Variants in SNX20 observed in about 807,000 individuals in gnomAD.
The protein encoded by SNX20 is sorting nexin-20.
Under a neutral mutation model 24.5 loss-of-function variants are expected in SNX20, and 21 were observed. That is an observed-to-expected ratio of 0.86 (90% CI 0.61 to 1.23). The LOEUF is 1.23. SNX20 is among the 50% of genes most tolerant of loss of function. The probability of loss-of-function intolerance (pLI) is 0.00; values close to 1 mark genes in which losing one functional copy is unlikely to be tolerated. For synonymous variants in SNX20, 206 were observed against 192.8 expected, an observed-to-expected ratio of 1.07 and a Z score of -0.57; for missense variants, 433 against 430.8, an observed-to-expected ratio of 1.00 and a Z score of -0.04.
chr16:50,677,615 T>G, intron 1 of SNX20, 80 bp from the exon 2 acceptor site: 5 of 1,329,178 alleles, frequency 3.8e-6, no homozygotes, highest in Non-Finnish European at 4.9e-6. Context: ...AGGAGCTGTG[T>G]CATGCCCCCT....
At chr16:50,678,483 G>A (rs1184054820) in intron 1 of SNX20, among the ~76,000 whole-genome samples, 2 of 152,188 alleles carry the variant, frequency 1.3e-5, no homozygotes, top group Non-Finnish European at 2.9e-5. Flanking sequence ...CTTGTGACGT[G>A]CTGGCTGTGC....
At chr16:50,678,451 A>G (rs1405361866) in intron 1 of SNX20, among the ~76,000 whole-genome samples, 1 of 152,228 alleles carries the variant, frequency 6.6e-6, no homozygotes, top group Non-Finnish European at 1.5e-5. Context: ...CGCAACAAGC[A>G]AAGCTGAATT....
chr16:50,679,757 C>T (rs1457267705), intron 1 of SNX20, among the ~76,000 whole-genome samples: 1 of 152,184 alleles, frequency 6.6e-6, no homozygotes, highest in Non-Finnish European at 1.5e-5. Flanking sequence ...GGGTTCCCTA[C>T]ATTCTGACTG....
At chr16:50,667,763 C>T (rs1962947455), downstream of SNX20, 1 of 566,254 alleles carries the variant, frequency 1.8e-6, no homozygotes, top group African/African-American at 1.9e-5. Flanking sequence ...GAGAGCAGAG[C>T]TAAGTCCATG....
At chr16:50,677,359 A>T in intron 2 of SNX20, 38 bp downstream of exon 2, 1 of 1,528,162 alleles carries the variant, frequency 6.5e-7, no homozygotes. Flanking sequence ...ATGTCTTCAG[A>T]CCTCTCCCCC....
In SNX20 at chr16:50,673,939, ACT is replaced by A. The variant is rs1330632159; in HGVS notation, c.416_417del (p.Glu139ValfsTer12). On this transcript the variant is annotated frameshift_variant, in exon 4 of 4. Coordinates refer to ENST00000330943, the MANE Select transcript of SNX20 (RefSeq NM_182854.4). LOFTEE classifies it high-confidence loss of function. This position sits in a 1 kb window ranked among gnomAD's most constrained non-coding sequence, Gnocchi z 4.1. Reference protein sequence around the residue: ...KTFREEIEDVEFPRKHLTGNF... With the variant: ...KTFREEIEDVXFPRKHLTGNF... ...TTCCCAGTCAGGTGCTTCCTGGGAA[ACT>A]CCACGTCTTCGATCTCCTCCCTGAA... is the stretch of plus-strand genomic sequence containing the variant. 5 of 1,612,728 alleles carry A rather than the reference ACT, an allele frequency of 3.1e-6. No individual in the cohort carries two copies. The highest frequency in any genetic ancestry group is 3.4e-6 in the Non-Finnish European group (4 of 1,179,608).
At position 50,674,073 on chromosome 16, in the gene SNX20, A is replaced by G. The variant is rs780653668; in HGVS notation, c.284T>C (p.Val95Ala). The G allele has an allele frequency of 1.9e-6, 3 of 1,591,288 alleles. No individual in the cohort carries two copies. Among genetic ancestry groups the G allele is most frequent in the South Asian group, 1.1e-5 (1 of 88,444 alleles). Residue 95 changes from valine to alanine, a missense_variant and splice_region_variant, in exon 4 of 4, where the codon GTG (valine) becomes GCG (alanine). Coordinates refer to ENST00000330943, the MANE Select transcript of SNX20 (RefSeq NM_182854.4). ...IEERKVSKFV[V>A]YQIIVIQTGS... ...AGTCTGGATGACGATGATTTGGTAC[A>G]CCTAGGGCGCAACCAGAGAGAGCTG...
intron 3 of SNX20, among the ~76,000 whole-genome samples, chr16:50,674,805 G>T (rs1030130840): frequency 2.0e-5 from 3 of 152,194 alleles, no homozygotes; most frequent in Non-Finnish European, 2.9e-5. Context: ...GCCGTTATAT[G>T]GTAAGAAAAT....
chr16:50,670,819 C>G (rs550660031), downstream of SNX20: 1 of 149,648 alleles, frequency 6.7e-6, no homozygotes, highest in Non-Finnish European at 1.5e-5. Flanking sequence ...AGAAGAAACT[C>G]CCGTGGATGC....
At chr16:50,680,030 TG>T (rs1187250771) in intron 1 of SNX20, among the ~76,000 whole-genome samples, 3 of 152,208 alleles carry the variant, frequency 2.0e-5, no homozygotes, top group Non-Finnish European at 4.4e-5. Context: ...CTGAGAAAGC[TG>T]ATTATAAAAC....
At chr16:50,667,837 C>A (rs143967137), downstream of SNX20, 1 of 655,196 alleles carries the variant, frequency 1.5e-6, no homozygotes, top group East Asian at 2.7e-5. Flanking sequence ...GTGAGGGGGC[C>A]GAGCCTGGGA....
At position 50,673,706 on chromosome 16, in the gene SNX20, CT is replaced by C; in HGVS notation, c.650del (p.Lys217SerfsTer69). 1 of 1,501,136 alleles carries C rather than the reference CT, an allele frequency of 6.7e-7. No homozygotes were observed. The highest frequency in any genetic ancestry group is 8.8e-7 in the Non-Finnish European group (1 of 1,133,374). 93.0% of individuals were successfully genotyped at this position (1,501,136 alleles called of 1,614,324 possible). A position where few individuals can be genotyped will look rare whatever the true frequency, so the allele number is the denominator to read the frequency against. ...CGGCCGCAGGGCAGTGGGCGGTGAG[CT>C]TCTCCTGCAGCGGCAGCACGCGCAG... ...LLLRVLPLQE[K>X]LTAHCPAAAV... On this transcript the variant is annotated frameshift_variant, in exon 4 of 4. Transcript: ENST00000330943. LOFTEE classifies it high-confidence loss of function. This position sits in a 1 kb window ranked among gnomAD's most constrained non-coding sequence, Gnocchi z 4.1.
chr16:50,668,233 G>A (rs143553008), downstream of SNX20: 147 of 1,439,292 alleles, frequency 1.0e-4, no homozygotes, highest in East Asian at 8.5e-4. Flanking sequence ...TCAGCGCTAC[G>A]TGGTGAGAAA....
chr16:50,674,229 G>GTTTGTTTATTTATTTATTTA (rs1555495577), intron 3 of SNX20, among the ~76,000 whole-genome samples, 155 bp from the exon 4 acceptor site: 1 of 131,090 alleles, frequency 7.6e-6, no homozygotes, highest in Admixed American at 7.2e-5. Flanking sequence ...TTGTTTGTTT[G>GTTTGTTTATTTATTTATTTA]TTTATTTATT....
chr16:50,667,774 C>G (rs1962947705), downstream of SNX20: 1 of 583,132 alleles, frequency 1.7e-6, no homozygotes. Flanking sequence ...TAAGTCCATG[C>G]TATGCTGAGG....
At chr16:50,675,398 T>C (rs901904770) in intron 3 of SNX20, among the ~76,000 whole-genome samples, 1 of 152,198 alleles carries the variant, frequency 6.6e-6, no homozygotes, top group African/African-American at 2.4e-5. Flanking sequence ...TTGAAATAAA[T>C]GTGCTTCATG....
downstream of SNX20, chr16:50,668,533 G>C (rs956149151): frequency 9.9e-7 from 1 of 1,013,228 alleles, no homozygotes; most frequent in African/African-American, 1.7e-5. Context: ...TCTTTTTCAA[G>C]TAAATGTGCA....
At chr16:50,676,419 A>G (rs1376038304) in intron 2 of SNX20, among the ~76,000 whole-genome samples, 1 of 152,130 alleles carries the variant, frequency 6.6e-6, no homozygotes, top group African/African-American at 2.4e-5. Context: ...AACTGCCCAC[A>G]TGCCGGGCTC....
chr16:50,672,653 T>C lies in SNX20; in HGVS notation c.*753A>G, dbSNP rs1376723942. The C allele has an allele frequency of 6.6e-6, 1 of 152,146 alleles. No individual in the cohort carries two copies. The highest frequency in any genetic ancestry group is 1.5e-5 in the Non-Finnish European group (1 of 68,040). 9.4% of individuals were successfully genotyped at this position (152,146 alleles called of 1,614,324 possible). On this transcript the variant is annotated 3_prime_UTR_variant, in exon 4 of 4. Transcript: ENST00000330943. ...AGTATTAGGATAATGGATGGAAATA[T>C]TTTAAAGCAATTCCAAGGTGGAAGG...
Sources: gnomAD v4.1 joint callset for allele counts (sites outside exome capture counted in the v4.1 genomes callset) on GRCh38, gnomAD v4.1.1 for gene constraint, Gnocchi (gnomAD v3.1) non-coding constraint, MANE v1.5 for transcripts, NCBI Gene and HGNC (gene_info 2026-07-23, HGNC 2026-07-21) for gene names.